The following PRUNE2 variants were observed in gnomAD, a reference collection of about 807,000 sequenced individuals.
PRUNE2 encodes protein prune homolog 2.
PRUNE2 carries 164 observed loss-of-function variants against 252.0 expected under a neutral mutation model. The ratio of observed to expected loss-of-function variants is 0.65; its 90% CI spans 0.57 to 0.74. PRUNE2 has a LOEUF of 0.74. PRUNE2 is among the 30% of genes least tolerant of loss of function. PRUNE2 has a pLI of 0.00. For synonymous variants in PRUNE2, 1,292 were observed against 1,350.2 expected (o/e 0.96, Z 0.94); for missense variants, 3,495 against 3,711.0 (o/e 0.94, Z 1.51).
intron 6 of PRUNE2, among the ~76,000 whole-genome samples, chr9:76,775,140 C>G (rs746857732): frequency 1.3e-5 from 2 of 152,016 alleles, no homozygotes; most frequent in African/African-American, 4.8e-5. Context: ...TTTATTTGGT[C>G]GGGGGGAAAG....
At chr9:76,630,270 TTTTTTA>T (rs1427819493) in intron 15 of PRUNE2, among the ~76,000 whole-genome samples, 2 of 152,068 alleles carry the variant, frequency 1.3e-5, no homozygotes, top group East Asian at 3.9e-4. Flanking sequence ...TTGTTTTTTT[TTTTTTA>T]AAGTTTTAGG....
intron 1 of PRUNE2, among the ~76,000 whole-genome samples, chr9:76,888,676 A>G (rs2062261477): frequency 6.6e-6 from 1 of 151,958 alleles, no homozygotes; most frequent in Non-Finnish European, 1.5e-5. Flanking sequence ...TTGTCTTAAA[A>G]GAAAGAAAAG....
chr9:76,713,208 C>A (rs1364293806), intron 7 of PRUNE2, among the ~76,000 whole-genome samples: 2 of 152,058 alleles, frequency 1.3e-5, no homozygotes, highest in South Asian at 4.2e-4. Flanking sequence ...ATCACCAGGT[C>A]TTAAACACTG....
chr9:76,847,624 C>T (rs1449611092), intron 3 of PRUNE2, among the ~76,000 whole-genome samples: 1 of 152,074 alleles, frequency 6.6e-6, no homozygotes, highest in African/African-American at 2.4e-5. Flanking sequence ...CACTACTGGG[C>T]CTATTTTCCT....
intron 6 of PRUNE2, among the ~76,000 whole-genome samples, chr9:76,748,122 T>G (rs2050301789): frequency 6.6e-6 from 1 of 152,098 alleles, no homozygotes; most frequent in Admixed American, 6.6e-5. Flanking sequence ...GGAATTCTGG[T>G]CAAAGGTCAG....
intron 9 of PRUNE2, among the ~76,000 whole-genome samples, chr9:76,682,217 T>A (rs2134237953): frequency 1.3e-5 from 2 of 152,004 alleles, no homozygotes; most frequent in East Asian, 3.9e-4. Flanking sequence ...AAAAAAACTT[T>A]TAAAAAGTCT....
At chr9:76,899,635 C>T (rs919357369) in intron 1 of PRUNE2, among the ~76,000 whole-genome samples, 8 of 152,104 alleles carry the variant, frequency 5.3e-5, no homozygotes, top group Admixed American at 2.6e-4. Flanking sequence ...GCACCAGAAC[C>T]GGGAGATACA....
At chr9:76,718,090 C>T (rs947728753) in intron 6 of PRUNE2, among the ~76,000 whole-genome samples, 1 of 152,154 alleles carries the variant, frequency 6.6e-6, no homozygotes, top group Non-Finnish European at 1.5e-5. Context: ...GAACTAATAT[C>T]AAAACCAAGA....
intron 9 of PRUNE2, among the ~76,000 whole-genome samples, chr9:76,697,981 G>C (rs2045545155): frequency 6.6e-6 from 1 of 152,084 alleles, no homozygotes; most frequent in Non-Finnish European, 1.5e-5. Flanking sequence ...ATGACAGAGA[G>C]AGAAAGCAAG....
At chr9:76,859,047 C>T (rs139468202) in intron 1 of PRUNE2, among the ~76,000 whole-genome samples, 173 of 152,300 alleles carry the variant, frequency 1.1e-3, no homozygotes, top group African/African-American at 3.9e-3. Context: ...TCTCAAAAGA[C>T]AGGCAACCCT....
chr9:76,850,710 A>C (rs751599621), intron 2 of PRUNE2, 45 bp from the exon 3 acceptor site: 4 of 1,394,016 alleles, frequency 2.9e-6, no homozygotes, highest in Non-Finnish European at 4.1e-6. Flanking sequence ...TAGCAGGAGG[A>C]AAGAATACAA....
intron 6 of PRUNE2, among the ~76,000 whole-genome samples, chr9:76,753,919 G>GAAA (rs369077074): frequency 4.6e-5 from 6 of 129,090 alleles, no homozygotes; most frequent in East Asian, 2.3e-4. Context: ...CTCTGTCTCA[G>GAAA]AAAAAAAAAA....
At chr9:76,760,848 G>A (rs1433434165) in intron 6 of PRUNE2, among the ~76,000 whole-genome samples, 1 of 152,144 alleles carries the variant, frequency 6.6e-6, no homozygotes, top group African/African-American at 2.4e-5. Context: ...CACTTTGGGA[G>A]GTGGAGGTGG....
intron 6 of PRUNE2, among the ~76,000 whole-genome samples, chr9:76,743,061 A>C (rs2049789054): frequency 6.6e-6 from 1 of 152,152 alleles, no homozygotes; most frequent in Non-Finnish European, 1.5e-5. Context: ...TGGTTTTATA[A>C]GGGGCTTCCC....
intron 6 of PRUNE2, among the ~76,000 whole-genome samples, chr9:76,775,142 G>A (rs115761835): frequency 0.011 from 1,743 of 152,304 alleles, 31 homozygotes; most frequent in African/African-American, 0.039. Context: ...TATTTGGTCG[G>A]GGGGAAAGAA....
At chr9:76,803,184 TTG>T (rs1218276960) in intron 6 of PRUNE2, among the ~76,000 whole-genome samples, 1 of 152,170 alleles carries the variant, frequency 6.6e-6, no homozygotes, top group African/African-American at 2.4e-5. Flanking sequence ...TTTGAAAATG[TTG>T]TGATATCATG....
intron 6 of PRUNE2, among the ~76,000 whole-genome samples, chr9:76,748,365 G>T (rs1184498892): frequency 6.6e-6 from 1 of 152,194 alleles, no homozygotes; most frequent in Admixed American, 6.5e-5. Flanking sequence ...TTGTCTGGAG[G>T]AGACTGGCCG....
chr9:76,616,865 A>G (rs1829964240), intron 18 of PRUNE2, among the ~76,000 whole-genome samples: 1 of 152,194 alleles, frequency 6.6e-6, no homozygotes, highest in African/African-American at 2.4e-5. Context: ...ATATGTAAAA[A>G]TATAAAAAGG....
At chr9:76,871,283 C>T (rs990919565) in intron 1 of PRUNE2, among the ~76,000 whole-genome samples, 2 of 152,330 alleles carry the variant, frequency 1.3e-5, no homozygotes, top group Non-Finnish European at 2.9e-5. Flanking sequence ...ATTATTCCTT[C>T]AACAATTTAC....
Sources: allele counts gnomAD v4.1 joint callset (sites outside exome capture counted in the v4.1 genomes callset), GRCh38; gene constraint gnomAD v4.1.1; transcripts MANE v1.5; gene names NCBI Gene and HGNC (gene_info 2026-07-23, HGNC 2026-07-21).